Variants in ERBB4 observed in about 807,000 individuals in gnomAD.
The protein encoded by ERBB4 is erb-b2 receptor tyrosine kinase 4, also known as receptor tyrosine-protein kinase erbB-4.
In ERBB4, 42 loss-of-function variants were observed where a neutral mutation model predicts 158.0. The ratio of observed to expected loss-of-function variants is 0.27; its 90% confidence interval spans 0.21 to 0.34. The LOEUF (loss-of-function observed/expected upper bound fraction) is 0.34. ERBB4 is among the 10% of genes least tolerant of loss of function. The pLI is 1.00. For missense variants in ERBB4, 1,333 were observed against 1,624.1 expected (o/e 0.82, Z 3.08); for synonymous variants, 583 against 558.7 (o/e 1.04, Z -0.61).
intron 5 of ERBB4, among the ~76,000 whole-genome samples, chr2:211,743,581 A>T (rs983846839): frequency 2.0e-5 from 3 of 152,172 alleles, no homozygotes; most frequent in Non-Finnish European, 4.4e-5. Flanking sequence ...CTTAAACCTT[A>T]GTCTCTCTCA....
chr2:212,202,546 G>T (rs12469253), intron 1 of ERBB4, among the ~76,000 whole-genome samples: 7,956 of 151,992 alleles, frequency 0.052, 413 homozygotes, highest in South Asian at 0.21. Context: ...TCGCCATGTT[G>T]CCCAAGCTGG....
intron 1 of ERBB4, among the ~76,000 whole-genome samples, chr2:212,481,629 G>A (rs1249687532): frequency 3.3e-5 from 5 of 152,238 alleles, no homozygotes; most frequent in Admixed American, 2.0e-4. Flanking sequence ...TTGCAAAGCT[G>A]CAGTAAGATT....
rs1483476866 is a variant in ERBB4 at position 211,424,168 on chromosome 2, C to T, written c.2853G>A (p.Met951Ile). Residue 951 changes from methionine (M) to isoleucine (I), a missense_variant, in exon 23 of 28, where the codon ATG becomes ATA. Transcript: ENST00000342788. Reference sequence around the variant, plus strand: ...TTGCAGTCTTACATTTGACCATGACCATGTAAACGTCAATAGTGCAGATGG... The same window carrying T: ...TTGCAGTCTTACATTTGACCATGACTATGTAAACGTCAATAGTGCAGATGG... ...QPPICTIDVY[M>I]VMVKCWMIDA... 6.2e-7 allele frequency: 1 copy of T among 1,612,988 alleles called. No homozygotes were observed. The highest frequency in any genetic ancestry group is 8.5e-7 in the Non-Finnish European group (1 of 1,179,346).
intron 2 of ERBB4, among the ~76,000 whole-genome samples, chr2:212,085,628 T>C (rs998963396): frequency 2.0e-5 from 3 of 151,946 alleles, no homozygotes; most frequent in African/African-American, 7.2e-5. Context: ...TATAATGTAA[T>C]ATGAATAGAT....
At chr2:212,209,951 T>A (rs977362944) in intron 1 of ERBB4, among the ~76,000 whole-genome samples, 1 of 152,022 alleles carries the variant, frequency 6.6e-6, no homozygotes, top group East Asian at 1.9e-4. Flanking sequence ...ACCTGCATTG[T>A]TTTTCAGCTG....
At chr2:211,618,189 A>T (rs1247446473) in intron 19 of ERBB4, among the ~76,000 whole-genome samples, 1 of 152,074 alleles carries the variant, frequency 6.6e-6, no homozygotes, top group Non-Finnish European at 1.5e-5. Context: ...TTTAAATTTA[A>T]CAGAGACTAA....
intron 1 of ERBB4, among the ~76,000 whole-genome samples, chr2:212,377,636 T>C (rs1024980131): frequency 2.0e-5 from 3 of 151,926 alleles, no homozygotes; most frequent in Non-Finnish European, 2.9e-5. Flanking sequence ...GGAGTTGCTC[T>C]AGGTGAGTCA....
At chr2:211,721,903 C>T (rs2074108374) in intron 7 of ERBB4, among the ~76,000 whole-genome samples, 1 of 152,090 alleles carries the variant, frequency 6.6e-6, no homozygotes, top group African/African-American at 2.4e-5. Context: ...CTCTCTGTCA[C>T]CCAGGCTGGA....
chr2:211,844,335 G>A (rs1036830795), intron 3 of ERBB4, among the ~76,000 whole-genome samples: 1 of 152,118 alleles, frequency 6.6e-6, no homozygotes, highest in Admixed American at 6.6e-5. Flanking sequence ...AATAGCACTA[G>A]ATATTTTTCA....
intron 1 of ERBB4, among the ~76,000 whole-genome samples, chr2:212,176,259 C>A (rs2081659399): frequency 6.6e-6 from 1 of 151,878 alleles, no homozygotes; most frequent in Non-Finnish European, 1.5e-5. Context: ...CCTCCCCACC[C>A]CAATTCAGAT....
At chr2:212,507,533 G>A (rs1206224318) in intron 1 of ERBB4, among the ~76,000 whole-genome samples, 1 of 152,106 alleles carries the variant, frequency 6.6e-6, no homozygotes, top group Non-Finnish European at 1.5e-5. Context: ...ATTGGCGAAG[G>A]TTAAAATATC....
intron 1 of ERBB4, among the ~76,000 whole-genome samples, chr2:212,433,832 T>C (rs2092081653): frequency 6.6e-6 from 1 of 152,018 alleles, no homozygotes; most frequent in South Asian, 2.1e-4. Flanking sequence ...GTGATGAATA[T>C]ATTCTACGCA....
intron 1 of ERBB4, among the ~76,000 whole-genome samples, chr2:212,513,836 A>AATAAATAAATAAAT (rs1691670333): frequency 6.6e-6 from 1 of 152,058 alleles, no homozygotes; most frequent in African/African-American, 2.4e-5. Flanking sequence ...TAAATAAATA[A>AATAAATAAATAAAT]AAAGAACAAT....
intron 3 of ERBB4, among the ~76,000 whole-genome samples, chr2:211,855,696 G>A (rs1035688487): frequency 6.6e-6 from 1 of 152,020 alleles, no homozygotes; most frequent in Admixed American, 6.6e-5. Context: ...ACTGTGTACT[G>A]TAGCTTTATG....
chr2:212,170,874 G>C (rs918634904), intron 1 of ERBB4, among the ~76,000 whole-genome samples: 1 of 152,156 alleles, frequency 6.6e-6, no homozygotes, highest in Admixed American at 6.5e-5. Flanking sequence ...GAGAACCTCT[G>C]CTAGGGCAGT....
At chr2:212,351,021 C>T (rs547474572) in intron 1 of ERBB4, among the ~76,000 whole-genome samples, 4 of 152,176 alleles carry the variant, frequency 2.6e-5, no homozygotes, top group African/African-American at 9.6e-5. Context: ...TCATATCCCC[C>T]TCCAAATTCA....
intron 2 of ERBB4, among the ~76,000 whole-genome samples, chr2:212,022,448 C>T (rs1380647093): frequency 6.6e-6 from 1 of 152,028 alleles, no homozygotes; most frequent in Non-Finnish European, 1.5e-5. Context: ...AACCAAATAC[C>T]ACATGTTCTC....
chr2:211,851,299 T>A (rs1187536992), intron 3 of ERBB4, among the ~76,000 whole-genome samples: 1 of 152,010 alleles, frequency 6.6e-6, no homozygotes, highest in East Asian at 1.9e-4. Context: ...ATTTATTTAA[T>A]GAAAATAAAT....
At chr2:211,930,088 T>A (rs1019079640) in intron 3 of ERBB4, among the ~76,000 whole-genome samples, 1 of 152,112 alleles carries the variant, frequency 6.6e-6, no homozygotes, top group Admixed American at 6.6e-5. Flanking sequence ...AGATTTTCTA[T>A]TTTTTTAACA....
Sources: gnomAD v4.1 joint callset for allele counts (sites outside exome capture counted in the v4.1 genomes callset) on GRCh38, gnomAD v4.1.1 for gene constraint, MANE v1.5 for transcripts, NCBI Gene and HGNC (gene_info 2026-07-23, HGNC 2026-07-21) for gene names.